Variants in IQCM observed in about 807,000 individuals in gnomAD.
IQCM encodes the protein IQ motif containing M.
In IQCM, 45 loss-of-function variants were observed where a neutral mutation model predicts 57.6. That is an observed-to-expected ratio of 0.78 (90% CI 0.62 to 1.00). IQCM has a LOEUF of 1.00. Among genes scored for constraint, IQCM ranks in the 50% least tolerant of loss-of-function variants. The pLI is 0.00. For synonymous variants in IQCM, 148 were observed against 158.9 expected (o/e 0.93, Z 0.51); for missense variants, 468 against 511.6 (o/e 0.91, Z 0.82).
At chr4:149,560,223 C>G (rs1749990191) in intron 10 of IQCM, among the ~76,000 whole-genome samples, 2 of 152,140 alleles carry the variant, frequency 1.3e-5, no homozygotes, top group African/African-American at 4.8e-5. Flanking sequence ...TCAAAGAATT[C>G]TATAACCTCC....
In IQCM at chr4:149,654,885, C is replaced by T. The variant is rs951619295; in HGVS notation, c.565+27233G>A. Among the ~76,000 whole-genome samples the T allele has an allele frequency of 3.9e-5, 6 of 152,060 alleles. No individual in the cohort carries two copies. In the East Asian group the frequency reaches 1.2e-3, roughly 29 times the overall value. On this transcript the variant is annotated intron_variant, in intron 7 of 13. Coordinates refer to ENST00000636793, the MANE Select transcript of IQCM (RefSeq NM_001363507.2). ...GGTAAAAAGTATGCAAAACATATAACATAATTTTTTATATTGATTGCCTAT... is the reference window on the plus strand; with the variant it reads ...GGTAAAAAGTATGCAAAACATATAATATAATTTTTTATATTGATTGCCTAT...
intron 12 of IQCM, among the ~76,000 whole-genome samples, chr4:149,445,982 T>C (rs1049911113): frequency 6.6e-6 from 1 of 151,742 alleles, no homozygotes; most frequent in Non-Finnish European, 1.5e-5. Context: ...AAGAATAACG[T>C]CTACTTCTCA....
intron 12 of IQCM, among the ~76,000 whole-genome samples, chr4:149,503,804 T>C (rs1743510465): frequency 6.6e-6 from 1 of 152,116 alleles, no homozygotes; most frequent in Non-Finnish European, 1.5e-5. Context: ...AGGGACATGT[T>C]CACATCAAAA....
intron 13 of IQCM, among the ~76,000 whole-genome samples, chr4:149,403,309 A>C (rs1732747228): frequency 6.6e-6 from 1 of 151,964 alleles, no homozygotes; most frequent in Non-Finnish European, 1.5e-5. Flanking sequence ...TGTCCAAAGC[A>C]CTTACGTAGT....
At chr4:149,716,673 G>A (rs546122289) in intron 5 of IQCM, among the ~76,000 whole-genome samples, 1 of 152,280 alleles carries the variant, frequency 6.6e-6, no homozygotes, top group East Asian at 1.9e-4. Flanking sequence ...CATTGCTATT[G>A]TATGTCTAAA....
intron 13 of IQCM, among the ~76,000 whole-genome samples, chr4:149,421,691 T>G (rs1292147245): frequency 6.6e-6 from 1 of 152,018 alleles, no homozygotes; most frequent in Non-Finnish European, 1.5e-5. Flanking sequence ...ATAAACTATA[T>G]GCATAGGTTG....
intron 13 of IQCM, among the ~76,000 whole-genome samples, chr4:149,378,088 T>G (rs1730816727): frequency 6.6e-6 from 1 of 152,164 alleles, no homozygotes; most frequent in Non-Finnish European, 1.5e-5. Flanking sequence ...CACTTGGTTT[T>G]CATTCTCTTG....
chr4:149,384,636 T>C (rs1044373975), intron 13 of IQCM, among the ~76,000 whole-genome samples: 2 of 152,276 alleles, frequency 1.3e-5, no homozygotes, highest in East Asian at 3.9e-4. Flanking sequence ...TATAAGCCCC[T>C]GGGTCTAACT....
chr4:149,637,761 C>T (rs1349904075), intron 7 of IQCM, among the ~76,000 whole-genome samples: 1 of 152,100 alleles, frequency 6.6e-6, no homozygotes, highest in Non-Finnish European at 1.5e-5. Context: ...CAAAGCAATT[C>T]AATGGAGAAG....
intron 12 of IQCM, among the ~76,000 whole-genome samples, chr4:149,536,286 A>T (rs919724878): frequency 4.6e-5 from 7 of 152,042 alleles, no homozygotes; most frequent in African/African-American, 1.7e-4. Flanking sequence ...ATCACAATTC[A>T]CTAGACCTAA....
At chr4:149,716,640 C>T (rs1765027721) in intron 5 of IQCM, among the ~76,000 whole-genome samples, 1 of 152,144 alleles carries the variant, frequency 6.6e-6, no homozygotes, top group Non-Finnish European at 1.5e-5. Flanking sequence ...TTGCAGCAGC[C>T]GCTCCAGATG....
chr4:149,549,278 G>T (rs1250713728), intron 11 of IQCM, among the ~76,000 whole-genome samples: 1 of 152,138 alleles, frequency 6.6e-6, no homozygotes, highest in African/African-American at 2.4e-5. Flanking sequence ...CACTTTGGGA[G>T]GCCGAGGCGG....
intron 5 of IQCM, among the ~76,000 whole-genome samples, chr4:149,713,584 C>G (rs970625192): frequency 5.3e-5 from 8 of 152,200 alleles, no homozygotes; most frequent in Admixed American, 1.3e-4. Flanking sequence ...CTTTAAACCT[C>G]TAACACTTCC....
intron 12 of IQCM, among the ~76,000 whole-genome samples, chr4:149,518,057 T>C (rs535596897): frequency 1.3e-5 from 2 of 152,310 alleles, no homozygotes; most frequent in Admixed American, 6.5e-5. Context: ...CACAAGCATA[T>C]TTCGAGTCTC....
chr4:149,706,858 T>C (rs1764198201), intron 5 of IQCM, among the ~76,000 whole-genome samples: 1 of 151,982 alleles, frequency 6.6e-6, no homozygotes, highest in African/African-American at 2.4e-5. Flanking sequence ...GAAGGTGGAA[T>C]GGTTAAATTG....
chr4:149,360,625 T>A (rs1560772822), intron 13 of IQCM, among the ~76,000 whole-genome samples: 1 of 152,194 alleles, frequency 6.6e-6, no homozygotes, highest in Admixed American at 6.5e-5. Context: ...ATTGAATAAG[T>A]ATCATGAGAT....
At chr4:149,396,399 A>G (rs1006771996) in intron 13 of IQCM, among the ~76,000 whole-genome samples, 1 of 151,948 alleles carries the variant, frequency 6.6e-6, no homozygotes, top group Admixed American at 6.6e-5. Flanking sequence ...AAGAAAAAAA[A>G]TACTACTAGA....
chr4:149,722,072 T>A (rs962711803), intron 5 of IQCM, among the ~76,000 whole-genome samples: 5 of 152,156 alleles, frequency 3.3e-5, no homozygotes, highest in Admixed American at 2.0e-4. Flanking sequence ...CATATGTTTT[T>A]TGACCATTTG....
chr4:149,363,084 C>T (rs1729603807), intron 13 of IQCM, among the ~76,000 whole-genome samples: 2 of 152,216 alleles, frequency 1.3e-5, no homozygotes, highest in South Asian at 4.1e-4. Context: ...ATGAAAGTAA[C>T]TGAAAAGCTA....
Sources: allele counts gnomAD v4.1 joint callset (sites outside exome capture counted in the v4.1 genomes callset), GRCh38; gene constraint gnomAD v4.1.1; transcripts MANE v1.5; gene names NCBI Gene and HGNC (gene_info 2026-07-23, HGNC 2026-07-21).